Variants in RPAP1 observed in about 807,000 individuals in gnomAD.
The protein encoded by RPAP1 is RNA polymerase II-associated protein 1.
RPAP1 carries 109 observed loss-of-function variants against 142.4 expected under a neutral mutation model. The ratio of observed to expected loss-of-function variants is 0.77; its 90% CI spans 0.66 to 0.90. The LOEUF is 0.90. RPAP1 is among the 40% of genes least tolerant of loss of function. The pLI is 0.00. For missense variants in RPAP1, 1,546 were observed against 1,751.7 expected (o/e 0.88, Z 2.10); for synonymous variants, 704 against 738.9 (o/e 0.95, Z 0.77).
At chr15:41,538,224 C>G (rs945804136) in intron 1 of RPAP1, among the ~76,000 whole-genome samples, 2 of 152,152 alleles carry the variant, frequency 1.3e-5, no homozygotes, top group African/African-American at 4.8e-5. Context: ...GCTTGGGCGA[C>G]AGAGTGAGAC....
At chr15:41,542,155 G>T (rs569836223) in intron 1 of RPAP1, among the ~76,000 whole-genome samples, 1 of 152,308 alleles carries the variant, frequency 6.6e-6, no homozygotes, top group Non-Finnish European at 1.5e-5. Context: ...ATGCCGAAAT[G>T]CTGGGTCTTT....
Position 41,521,846 on chromosome 15 carries a change from G to A in RPAP1, c.2930C>T (p.Ala977Val). The A allele has an allele frequency of 6.2e-7, 1 of 1,614,158 alleles. No individual in the cohort carries two copies. The highest frequency in any genetic ancestry group is 8.5e-7 in the Non-Finnish European group (1 of 1,180,002). Residue 977 changes from alanine (A) to valine (V), a missense_variant, in exon 21 of 25, where the codon GCC (alanine) becomes GTC (valine). Coordinates refer to ENST00000304330, the MANE Select transcript of RPAP1 (RefSeq NM_015540.4). ...GGCCAAGGCCATACCATGATAGAGG[G>A]CAGCATGGGTGGCTGGCAGTGGCTG... ...ALQPLPATHA[A>V]LYHGMALALL...
intron 18 of RPAP1, 131 bp from the exon 19 acceptor site, chr15:41,523,091 G>A: frequency 1.1e-6 from 1 of 939,694 alleles, no homozygotes; most frequent in East Asian, 2.8e-5. Context: ...ACACTCCTCA[G>A]AGCCCACCCC....
chr15:41,540,779 G>A (rs941509529), intron 1 of RPAP1, among the ~76,000 whole-genome samples: 8 of 152,162 alleles, frequency 5.3e-5, no homozygotes, highest in Non-Finnish European at 1.2e-4. Flanking sequence ...TGTCCTGGAA[G>A]TCTGGAATAG....
At chr15:41,534,120 C>T (rs2051883674) in intron 6 of RPAP1, among the ~76,000 whole-genome samples, 1 of 143,596 alleles carries the variant, frequency 7.0e-6, no homozygotes, top group Non-Finnish European at 1.5e-5. Flanking sequence ...GAAACTCCAT[C>T]TCAAAAAAAA....
At position 41,532,962 on chromosome 15, in the gene RPAP1, G is replaced by A. The variant is rs546192279; in HGVS notation, c.763+1752C>T. 1.0e-4 allele frequency among the ~76,000 whole-genome samples: 11 copies of A among 106,462 alleles called. 1 individual carries two copies. In the East Asian group the frequency reaches 3.4e-3, roughly 33 times the overall value. 69.8% of individuals were successfully genotyped at this position (106,462 alleles called of 152,430 possible). On this transcript the variant is annotated intron_variant, in intron 6 of 24. Transcript: ENST00000304330. ...TCACTGTACTCCACCCAGGACAACA[G>A]AGCGAGACTCCGTCTCAAAAAAAAA...
rs754996044 is a variant in RPAP1 at position 41,525,199 on chromosome 15, C to T, written c.1918-51G>A. On this transcript the variant is annotated intron_variant, in intron 14 of 24. Coordinates refer to ENST00000304330, the MANE Select transcript of RPAP1 (RefSeq NM_015540.4). ...CAGGGTCAGCTGTGAGTCTCAAGTC[C>T]AGCTACTCTCAGCTGGACAGAGAGT... The T allele has an allele frequency of 2.0e-6, 3 of 1,506,976 alleles. No individual in the cohort carries two copies. The South Asian group carries it at 3.9e-5, about 20-fold the overall frequency. 93.4% of individuals were successfully genotyped at this position (1,506,976 alleles called of 1,614,324 possible).
intron 22 of RPAP1, 180 bp downstream of exon 22, chr15:41,520,211 G>C (rs780338822): frequency 3.2e-5 from 22 of 679,410 alleles, no homozygotes; most frequent in African/African-American, 7.2e-5. Context: ...TGGAATTACA[G>C]GCGTGAGCCA....
chr15:41,518,106 A>C lies in RPAP1; in HGVS notation c.3872T>G (p.Leu1291Arg), dbSNP rs749159405. The C allele has an allele frequency of 6.2e-7, 1 of 1,606,304 alleles. No individual in the cohort carries two copies. Among genetic ancestry groups the C allele is most frequent in the Non-Finnish European group, 8.5e-7 (1 of 1,177,922 alleles). ...LALLQLYFRTLVTGALRPRWC... is the reference protein window; with the variant it reads ...LALLQLYFRTRVTGALRPRWC... Reference sequence around the variant, plus strand: ...ACGTGGGCGGAGCGCACCAGTAACCAGGGTCCGGAAGTAGAGCTGAAGGAG... The same window carrying C: ...ACGTGGGCGGAGCGCACCAGTAACCCGGGTCCGGAAGTAGAGCTGAAGGAG... Residue 1291 changes from leucine to arginine, a missense_variant, in exon 23 of 25, where the codon CTG becomes CGG. Coordinates refer to ENST00000304330, the MANE Select transcript of RPAP1 (RefSeq NM_015540.4).
In RPAP1 at chr15:41,544,220, T is replaced by C. The variant is rs1313248960; in HGVS notation, c.-78A>G. The C allele has an allele frequency of 6.6e-6, 1 of 152,138 alleles. No homozygotes were observed. Among genetic ancestry groups the C allele is most frequent in the Non-Finnish European group, 1.5e-5 (1 of 68,136 alleles). 9.4% of individuals were successfully genotyped at this position (152,138 alleles called of 1,614,324 possible). ...CGTCCCTCCAGCCCCGCCACCTACGTGCTCCAGGCCTGTCTGGGCGCCGCC... is the reference window on the plus strand; with the variant it reads ...CGTCCCTCCAGCCCCGCCACCTACGCGCTCCAGGCCTGTCTGGGCGCCGCC... On this transcript the variant is annotated splice_region_variant and 5_prime_UTR_variant, in exon 1 of 25. Coordinates refer to ENST00000304330, the MANE Select transcript of RPAP1 (RefSeq NM_015540.4).
intron 4 of RPAP1, among the ~76,000 whole-genome samples, 187 bp downstream of exon 4, chr15:41,535,942 C>G (rs2051901792): frequency 6.6e-6 from 1 of 152,174 alleles, no homozygotes; most frequent in Non-Finnish European, 1.5e-5. Context: ...CCCAAGGTAT[C>G]ATCATGATAC....
At chr15:41,525,862 G>A (rs28860492) in intron 14 of RPAP1, among the ~76,000 whole-genome samples, 82,562 of 151,512 alleles carry the variant, frequency 0.54, 22,852 homozygotes, top group African/African-American at 0.64. Flanking sequence ...CACCATCTTG[G>A]TCAGGCTGGT....
intron 19 of RPAP1, 114 bp from the exon 20 acceptor site, chr15:41,522,364 C>T (rs1029128643): frequency 1.3e-4 from 136 of 1,016,168 alleles, no homozygotes; most frequent in Non-Finnish European, 1.4e-4. Context: ...AGAAGGCCTC[C>T]CTTCCCCATG....
rs1357297853 is a variant in RPAP1 at position 41,520,481 on chromosome 15, G to A, written c.3705C>T (p.Pro1235=). The change falls in exon 22 of 25, where the codon CCC becomes CCT. Residue 1235 remains proline (P), a synonymous_variant. Transcript: ENST00000304330. The stretch of plus-strand genomic sequence containing the variant: ...AGGTGACACTGAACCGACGCTGCAG[G>A]GGCAGGAGGACCAGGGCCCCAAAGA... ...DHLFGALVLL[P]LQRRFSVTLR... 2 of 1,614,020 alleles carry A rather than the reference G, an allele frequency of 1.2e-6. No individual in the cohort carries two copies. The highest frequency in any genetic ancestry group is 1.3e-5 in the African/African-American group (1 of 74,944).
chr15:41,542,771 C>A (rs2051982161), intron 1 of RPAP1, among the ~76,000 whole-genome samples: 1 of 152,146 alleles, frequency 6.6e-6, no homozygotes, highest in Non-Finnish European at 1.5e-5. Context: ...AAGATTAGAA[C>A]AGAGTCTCAT....
In RPAP1 at chr15:41,517,226, A is replaced by G. The variant is rs1358049930; in HGVS notation, c.*316T>C. The G allele has an allele frequency of 8.6e-6, 2 of 233,346 alleles. No individual in the cohort carries two copies. The highest frequency in any genetic ancestry group is 1.8e-4 in the East Asian group (2 of 11,170). The allele number at this position is 233,346 out of a possible 1,614,324, so 14.5% of individuals were successfully genotyped here. On this transcript the variant is annotated 3_prime_UTR_variant, in exon 25 of 25. Coordinates refer to ENST00000304330, the MANE Select transcript of RPAP1 (RefSeq NM_015540.4). The stretch of plus-strand genomic sequence containing the variant: ...TTTAATGCACAACTATAGCATTCAT[A>G]TGCCTCAGCCCAGGGCAGGGGTTGG...
intron 5 of RPAP1, 73 bp downstream of exon 5, chr15:41,535,439 A>C (rs893384594): frequency 2.6e-6 from 4 of 1,516,946 alleles, no homozygotes; most frequent in East Asian, 2.3e-5. Context: ...GCAGGAAGAC[A>C]TATCTTCAAA....
At chr15:41,538,326 C>T (rs1369420009) in intron 1 of RPAP1, among the ~76,000 whole-genome samples, 1 of 152,186 alleles carries the variant, frequency 6.6e-6, no homozygotes, top group Non-Finnish European at 1.5e-5. Flanking sequence ...TCATAGCTTA[C>T]TACAGCCTCA....
Position 41,543,150 on chromosome 15 carries a change from A to G in RPAP1, c.-77+1069T>C, listed in dbSNP as rs1455001052. ...CCAGAAGTCAAATACCAGTTCCGCT[A>G]CTTACTAAATGCACTAAATGTGCGA... On this transcript the variant is annotated intron_variant, in intron 1 of 24. Transcript: ENST00000304330. Among the ~76,000 whole-genome samples, 3 of 151,570 alleles carry G rather than the reference A, an allele frequency of 2.0e-5. No individual in the cohort carries two copies. The East Asian group carries it at 5.8e-4, about 29-fold the overall frequency.
Sources: allele counts gnomAD v4.1 joint callset (sites outside exome capture counted in the v4.1 genomes callset), GRCh38; gene constraint gnomAD v4.1.1; transcripts MANE v1.5; gene names NCBI Gene and HGNC (gene_info 2026-07-23, HGNC 2026-07-21).